The following TMEM117 variants were observed in gnomAD, a reference collection of about 807,000 sequenced individuals.
TMEM117 encodes transmembrane protein 117.
TMEM117 carries 27 observed loss-of-function variants against 52.4 expected under a neutral mutation model. The ratio of observed to expected loss-of-function variants is 0.51; its 90% confidence interval spans 0.38 to 0.71. The LOEUF is 0.71. Among genes scored for constraint, TMEM117 ranks in the 30% least tolerant of loss-of-function variants. The pLI is 0.00. For missense variants in TMEM117, 556 were observed against 630.5 expected, an observed-to-expected ratio of 0.88 and a Z score of 1.26; for synonymous variants, 215 against 206.3, an observed-to-expected ratio of 1.04 and a Z score of -0.36.
At chr12:44,152,498 TAATTATATC>T (rs1948756817) in intron 4 of TMEM117, among the ~76,000 whole-genome samples, 1 of 117,056 alleles carries the variant, frequency 8.5e-6, no homozygotes, top group African/African-American at 3.5e-5. Context: ...TTTATATATA[TAATTATATC>T]ATATATAAAT....
chr12:44,181,042 A>T (rs542104773), intron 4 of TMEM117, among the ~76,000 whole-genome samples: 2 of 152,162 alleles, frequency 1.3e-5, no homozygotes, highest in Non-Finnish European at 2.9e-5. Flanking sequence ...AATGATTGCC[A>T]TTCTAACTGG....
chr12:44,223,994 T>G (rs1949825734), intron 5 of TMEM117, among the ~76,000 whole-genome samples: 2 of 152,170 alleles, frequency 1.3e-5, no homozygotes, highest in South Asian at 4.1e-4. Context: ...ATTAACTCTG[T>G]GTGGGCTTTT....
intron 3 of TMEM117, among the ~76,000 whole-genome samples, chr12:44,016,182 C>G (rs1178999419): frequency 6.6e-6 from 1 of 152,170 alleles, no homozygotes; most frequent in East Asian, 1.9e-4. Flanking sequence ...TGTCCACTAC[C>G]TCTCACTACT....
intron 5 of TMEM117, among the ~76,000 whole-genome samples, chr12:44,227,231 G>T (rs1179179180): frequency 6.6e-6 from 1 of 152,104 alleles, no homozygotes; most frequent in African/African-American, 2.4e-5. Flanking sequence ...ACCCTGCTTT[G>T]GGAGTCCAAG....
At chr12:44,150,087 C>T (rs1002343090) in intron 4 of TMEM117, among the ~76,000 whole-genome samples, 2 of 152,194 alleles carry the variant, frequency 1.3e-5, no homozygotes, top group African/African-American at 4.8e-5. Context: ...TTGACCTCAA[C>T]CTACCCCTGA....
At chr12:44,123,045 T>C (rs1363738086) in intron 3 of TMEM117, among the ~76,000 whole-genome samples, 1 of 152,160 alleles carries the variant, frequency 6.6e-6, no homozygotes, top group Non-Finnish European at 1.5e-5. Context: ...AAAGTGTTCC[T>C]TTTTCTCCAC....
intron 6 of TMEM117, among the ~76,000 whole-genome samples, chr12:44,364,654 G>A (rs1951765998): frequency 6.6e-6 from 1 of 152,052 alleles, no homozygotes; most frequent in South Asian, 2.1e-4. Context: ...AGGGCTTCTT[G>A]TAACACAGTA....
chr12:44,211,412 T>C, intron 5 of TMEM117, 25 bp downstream of exon 5: 1 of 1,531,600 alleles, frequency 6.5e-7, no homozygotes, highest in Non-Finnish European at 9.0e-7. Flanking sequence ...CACTTATTTA[T>C]TTCTGCCTTG....
chr12:44,369,937 G>A (rs1951839430), intron 6 of TMEM117, among the ~76,000 whole-genome samples: 1 of 152,194 alleles, frequency 6.6e-6, no homozygotes, highest in African/African-American at 2.4e-5. Flanking sequence ...GAAAAGGGGA[G>A]TTGTCAAAGG....
chr12:43,800,417 CACAT>C, the TMEM117 span: 1 of 1,580,690 alleles, frequency 6.3e-7, no homozygotes, highest in African/African-American at 1.4e-5. Flanking sequence ...ATATAGAATC[CACAT>C]ACAAACATAA....
intron 3 of TMEM117, among the ~76,000 whole-genome samples, chr12:44,116,438 T>C (rs1376430835): frequency 6.6e-6 from 1 of 152,164 alleles, no homozygotes; most frequent in Non-Finnish European, 1.5e-5. Context: ...TTTTGTATCT[T>C]TCTCTCAATC....
chr12:44,343,262 A>T (rs978283752), intron 6 of TMEM117, among the ~76,000 whole-genome samples: 2 of 151,796 alleles, frequency 1.3e-5, no homozygotes, highest in African/African-American at 2.4e-5. Flanking sequence ...CGGAAAAGAG[A>T]CTTTGCCTAG....
At chr12:43,815,505 T>A in the TMEM117 span, among the ~76,000 whole-genome samples, 1 of 152,172 alleles carries the variant, frequency 6.6e-6, no homozygotes, top group Admixed American at 6.5e-5. Flanking sequence ...GTTATAAGGA[T>A]ACACAGAGGT....
intron 4 of TMEM117, among the ~76,000 whole-genome samples, chr12:44,195,679 G>A (rs1007972153): frequency 1.3e-5 from 2 of 151,950 alleles, no homozygotes; most frequent in African/African-American, 2.4e-5. Context: ...GCATTTTTAG[G>A]ATTAAAGAAA....
At chr12:44,154,966 G>T (rs1282773975) in intron 4 of TMEM117, among the ~76,000 whole-genome samples, 1 of 151,948 alleles carries the variant, frequency 6.6e-6, no homozygotes, top group East Asian at 1.9e-4. Context: ...TTTCTCTGGT[G>T]TCAAGGGATT....
At chr12:44,357,571 G>A (rs902903035) in intron 6 of TMEM117, among the ~76,000 whole-genome samples, 5 of 151,952 alleles carry the variant, frequency 3.3e-5, no homozygotes, top group Admixed American at 1.3e-4. Context: ...AAATGGTAGC[G>A]TTTCCATGTT....
chr12:44,012,946 G>T (rs992402518), intron 3 of TMEM117, among the ~76,000 whole-genome samples: 1 of 152,046 alleles, frequency 6.6e-6, no homozygotes, highest in East Asian at 1.9e-4. Flanking sequence ...TGATGCAGTG[G>T]TAGGGTGTGG....
At chr12:43,879,985 A>G (rs979552577) in intron 2 of TMEM117, among the ~76,000 whole-genome samples, 1 of 152,252 alleles carries the variant, frequency 6.6e-6, no homozygotes, top group Non-Finnish European at 1.5e-5. Context: ...CCAAGACAGA[A>G]GAATAATTCA....
Position 44,185,216 on chromosome 12 carries a change from A to G in TMEM117, c.511-26074A>G, listed in dbSNP as rs138876776. Among the ~76,000 whole-genome samples the G allele has an allele frequency of 1.5e-3, 223 of 152,298 alleles. 2 individuals carry two copies. The highest frequency in any genetic ancestry group is 5.1e-3 in the African/African-American group (210 of 41,566). On this transcript the variant is annotated intron_variant, in intron 4 of 7. Transcript: ENST00000266534. ...CTTTTCTTACTTTGCATTATCAGTG[A>G]CTTTTCTAGTATCTAGTCCTGGTAG...
Sources: gnomAD v4.1 joint callset for allele counts (sites outside exome capture counted in the v4.1 genomes callset) on GRCh38, gnomAD v4.1.1 for gene constraint, MANE v1.5 for transcripts, NCBI Gene and HGNC (gene_info 2026-07-23, HGNC 2026-07-21) for gene names.